The following ADGRL2 variants were observed in gnomAD, a reference collection of about 807,000 sequenced individuals.
ADGRL2 encodes the protein calcium-independent alpha-latrotoxin receptor 2.
ADGRL2 carries 44 observed loss-of-function variants against 157.4 expected under a neutral mutation model. The observed-to-expected ratio is 0.28, with a 90% CI of 0.22 to 0.36. The LOEUF (loss-of-function observed/expected upper bound fraction) is 0.36, where lower values mean the gene tolerates loss of function less well. ADGRL2 is among the 10% of genes least tolerant of loss of function. The probability of loss-of-function intolerance (pLI) is 1.00; values close to 1 mark genes in which losing one functional copy is unlikely to be tolerated. For synonymous variants in ADGRL2, 585 were observed against 624.7 expected (o/e 0.94, Z 0.95); for missense variants, 1,510 against 1,768.9 (o/e 0.85, Z 2.63).
chr1:81,708,962 A>G (rs995367545), intron 1 of ADGRL2, among the ~76,000 whole-genome samples: 8 of 152,132 alleles, frequency 5.3e-5, no homozygotes, highest in African/African-American at 1.9e-4. Context: ...AGGAAAACAG[A>G]CAAGGTATTA....
intron 1 of ADGRL2, among the ~76,000 whole-genome samples, chr1:81,835,517 T>A (rs2092230291): frequency 6.6e-6 from 1 of 152,118 alleles, no homozygotes; most frequent in African/African-American, 2.4e-5. Flanking sequence ...CTATGGGAGC[T>A]CAGAGTGAAA....
chr1:81,633,759 C>T (rs1160126760), intron 3 of ADGRL2, among the ~76,000 whole-genome samples: 1 of 152,110 alleles, frequency 6.6e-6, no homozygotes, highest in Non-Finnish European at 1.5e-5. Flanking sequence ...ATCGTTAAGT[C>T]TTGTTGTTTC....
chr1:81,492,837 A>G (rs2078661242), intron 2 of ADGRL2, among the ~76,000 whole-genome samples: 1 of 152,226 alleles, frequency 6.6e-6, no homozygotes, highest in African/African-American at 2.4e-5. Context: ...GGACTGATGA[A>G]TAGAGTATAC....
At position 81,406,559 on chromosome 1, in the gene ADGRL2, A is replaced by T. The variant is rs6424755; in HGVS notation, c.-301-38477A>T. On this transcript the variant is annotated intron_variant, in intron 1 of 24. Coordinates refer to the ADGRL2 transcript ENST00000370721. ...TAGGGTCAGAGAAACGCAGCCATCCATCCAGCCTCTGGGCTGTTCTTTAAA... is the reference window on the plus strand; with the variant it reads ...TAGGGTCAGAGAAACGCAGCCATCCTTCCAGCCTCTGGGCTGTTCTTTAAA... 2.6e-5 allele frequency among the ~76,000 whole-genome samples: 4 copies of T among 152,318 alleles called. No homozygotes were observed. The South Asian group carries it at 8.3e-4, about 32-fold the overall frequency.
chr1:81,469,863 A>G (rs763247837), intron 2 of ADGRL2, among the ~76,000 whole-genome samples: 1 of 152,146 alleles, frequency 6.6e-6, no homozygotes, highest in Admixed American at 6.5e-5. Flanking sequence ...AACACATCCT[A>G]TGCAATTCAG....
chr1:81,702,434 C>T (rs1022445294), intron 1 of ADGRL2, among the ~76,000 whole-genome samples: 2 of 152,160 alleles, frequency 1.3e-5, no homozygotes, highest in African/African-American at 4.8e-5. Context: ...TAGTCATAAC[C>T]TTCTCATGCT....
chr1:81,595,894 C>T (rs116818660), intron 3 of ADGRL2, among the ~76,000 whole-genome samples: 3 of 152,102 alleles, frequency 2.0e-5, no homozygotes, highest in Admixed American at 6.6e-5. Flanking sequence ...AAGAGCAAGG[C>T]GCCAGCAGAT....
intron 2 of ADGRL2, among the ~76,000 whole-genome samples, chr1:81,783,058 A>G (rs544694180): frequency 1.3e-5 from 2 of 152,338 alleles, no homozygotes; most frequent in Non-Finnish European, 2.9e-5. Context: ...GAAAGCTTAA[A>G]GGCAAATTAA....
intron 2 of ADGRL2, among the ~76,000 whole-genome samples, chr1:81,496,825 T>G (rs1295182129): frequency 6.7e-6 from 1 of 148,484 alleles, no homozygotes; most frequent in African/African-American, 2.5e-5. Flanking sequence ...ATTACCCTGA[T>G]GACAAATAAA....
At chr1:81,361,500 TTAAG>T (rs2075978114) in intron 1 of ADGRL2, among the ~76,000 whole-genome samples, 1 of 151,906 alleles carries the variant, frequency 6.6e-6, no homozygotes, top group South Asian at 2.1e-4. Flanking sequence ...GAGGAAGTCC[TTAAG>T]TAAGTGCTCC....
intron 1 of ADGRL2, among the ~76,000 whole-genome samples, chr1:81,312,720 G>T (rs891178699): frequency 2.0e-5 from 3 of 152,152 alleles, no homozygotes; most frequent in East Asian, 1.9e-4. Context: ...GGCTTCTGGG[G>T]TGTTATCGGA....
At chr1:81,704,710 G>A (rs2083678168) in intron 1 of ADGRL2, among the ~76,000 whole-genome samples, 1 of 152,190 alleles carries the variant, frequency 6.6e-6, no homozygotes. Flanking sequence ...GAATGTTGAA[G>A]ATTTTTAAAC....
chr1:81,988,887 C>T (rs1427368695), intron 23 of ADGRL2, among the ~76,000 whole-genome samples: 1 of 152,032 alleles, frequency 6.6e-6, no homozygotes, highest in Non-Finnish European at 1.5e-5. Flanking sequence ...CTAAACTCCT[C>T]CAAGCCTTGC....
At chr1:81,426,515 G>A (rs74094110) in intron 1 of ADGRL2, 21,853 of 410,462 alleles carry the variant, frequency 0.053, 788 homozygotes, top group African/African-American at 0.12. Flanking sequence ...GACCGTCACC[G>A]CCGGGAGCAG....
intron 2 of ADGRL2, among the ~76,000 whole-genome samples, chr1:81,774,336 A>G (rs1328650636): frequency 6.6e-6 from 1 of 152,160 alleles, no homozygotes; most frequent in Non-Finnish European, 1.5e-5. Context: ...TCTTCATTCT[A>G]ATAAAACCAT....
intron 1 of ADGRL2, among the ~76,000 whole-genome samples, chr1:81,421,145 C>T (rs2077117092): frequency 6.6e-6 from 1 of 152,144 alleles, no homozygotes; most frequent in African/African-American, 2.4e-5. Flanking sequence ...TGCACAATCC[C>T]TTTAGAGCCT....
chr1:81,539,105 A>G (rs565785221), intron 2 of ADGRL2, among the ~76,000 whole-genome samples: 21 of 152,222 alleles, frequency 1.4e-4, no homozygotes, highest in African/African-American at 4.8e-4. Flanking sequence ...TTGGATGTGA[A>G]ACAGAATTAG....
chr1:81,322,307 A>G (rs1660583046), intron 1 of ADGRL2, among the ~76,000 whole-genome samples: 1 of 151,812 alleles, frequency 6.6e-6, no homozygotes, highest in Admixed American at 6.6e-5. Flanking sequence ...ATTGAATGTG[A>G]TCAAAGTAAA....
At chr1:81,743,282 C>T (rs1404014889) in intron 1 of ADGRL2, among the ~76,000 whole-genome samples, 1 of 151,646 alleles carries the variant, frequency 6.6e-6, no homozygotes, top group Non-Finnish European at 1.5e-5. Flanking sequence ...AGAGTTGGTG[C>T]TTTAATAGAA....
Sources: gnomAD v4.1 joint callset for allele counts (sites outside exome capture counted in the v4.1 genomes callset) on GRCh38, gnomAD v4.1.1 for gene constraint, MANE v1.5 for transcripts, NCBI Gene and HGNC (gene_info 2026-07-23, HGNC 2026-07-21) for gene names.